Variants in ZNF385D observed in about 807,000 individuals in gnomAD.
ZNF385D encodes zinc finger protein 385D, also known as zinc finger protein 659.
A neutral mutation model predicts 35.8 loss-of-function variants in ZNF385D; 15 were observed. That is an observed-to-expected ratio of 0.42 (90% CI 0.28 to 0.64). The LOEUF (loss-of-function observed/expected upper bound fraction) is 0.64. Ranked by LOEUF, ZNF385D falls within the 30% of genes least tolerant of loss-of-function variation. The probability of loss-of-function intolerance (pLI) is 0.23; values close to 1 mark genes in which losing one functional copy is unlikely to be tolerated. For missense variants in ZNF385D, 474 were observed against 494.6 expected (o/e 0.96, Z 0.39); for synonymous variants, 212 against 186.8 (o/e 1.13, Z -1.10).
At chr3:22,196,424 T>C (rs1334148573) in intron 2 of ZNF385D, among the ~76,000 whole-genome samples, 2 of 152,094 alleles carry the variant, frequency 1.3e-5, no homozygotes, top group Non-Finnish European at 2.9e-5. Flanking sequence ...AAAACACATA[T>C]ATTTGAATTT....
intron 3 of ZNF385D, among the ~76,000 whole-genome samples, chr3:22,108,305 C>T (rs1333918755): frequency 4.6e-5 from 7 of 151,508 alleles, no homozygotes; most frequent in African/African-American, 1.5e-4. Flanking sequence ...GTCGAGTGTT[C>T]GATTTTCTTG....
intron 3 of ZNF385D, among the ~76,000 whole-genome samples, chr3:22,021,386 A>C (rs1697216472): frequency 6.6e-6 from 1 of 152,042 alleles, no homozygotes; most frequent in Non-Finnish European, 1.5e-5. Flanking sequence ...ATAGGCTTTC[A>C]GGCATTAGAA....
chr3:22,084,018 A>G (rs1226215319), intron 3 of ZNF385D, among the ~76,000 whole-genome samples: 1 of 152,214 alleles, frequency 6.6e-6, no homozygotes, highest in African/African-American at 2.4e-5. Context: ...AATACTTTAC[A>G]GACAAGGAAA....
intron 3 of ZNF385D, among the ~76,000 whole-genome samples, chr3:21,760,127 G>A (rs917379849): frequency 6.6e-6 from 1 of 152,124 alleles, no homozygotes; most frequent in African/African-American, 2.4e-5. Flanking sequence ...TCTTTGCTAT[G>A]CTCAAACATA....
At chr3:22,193,188 CTTTA>C (rs960122561) in intron 2 of ZNF385D, among the ~76,000 whole-genome samples, 3 of 152,100 alleles carry the variant, frequency 2.0e-5, no homozygotes, top group African/African-American at 7.2e-5. Flanking sequence ...TGAGGAAGTA[CTTTA>C]TTTGACACCT....
chr3:22,244,896 T>A (rs1428604780), intron 2 of ZNF385D, among the ~76,000 whole-genome samples: 1 of 151,872 alleles, frequency 6.6e-6, no homozygotes, highest in Non-Finnish European at 1.5e-5. Context: ...TCACTGCGTC[T>A]CCTCAGGTCT....
At position 22,246,527 on chromosome 3, in the gene ZNF385D, T is replaced by C. The variant is rs148233156; in HGVS notation, c.107-77492A>G. 7.3e-3 allele frequency among the ~76,000 whole-genome samples: 1,119 copies of C among 152,280 alleles called. 9 individuals carry two copies. Among genetic ancestry groups the C allele is most frequent in the African/African-American group, 0.025 (1,030 of 41,584 alleles). ...AGCCTTCTGATGCACTTCAAAGATA[T>C]ATTTTCTCTTGCTTCAAAGCCTAGA... On this transcript the variant is annotated intron_variant, in intron 2 of 5. Transcript: ENST00000494108.
intron 2 of ZNF385D, among the ~76,000 whole-genome samples, chr3:22,252,101 C>G (rs1251235393): frequency 6.6e-6 from 1 of 152,042 alleles, no homozygotes; most frequent in Non-Finnish European, 1.5e-5. Context: ...TGACACATTT[C>G]CATAACTAAA....
intron 2 of ZNF385D, among the ~76,000 whole-genome samples, chr3:22,246,948 C>T (rs1491884): frequency 6.6e-6 from 1 of 151,756 alleles, no homozygotes; most frequent in Non-Finnish European, 1.5e-5. Context: ...ATCATACATA[C>T]GTGCACACAC....
intron 3 of ZNF385D, among the ~76,000 whole-genome samples, chr3:21,550,208 T>G (rs2062518983): frequency 1.3e-5 from 2 of 152,200 alleles, no homozygotes; most frequent in South Asian, 4.1e-4. Context: ...TTATTGGTTT[T>G]TGTTTTTCCC....
intron 3 of ZNF385D, among the ~76,000 whole-genome samples, chr3:22,108,436 G>T (rs77265709): frequency 8.6e-5 from 13 of 151,836 alleles, no homozygotes; most frequent in Non-Finnish European, 1.5e-4. Flanking sequence ...GGTATGAAAT[G>T]CAACTATAGC....
intron 2 of ZNF385D, among the ~76,000 whole-genome samples, chr3:22,297,101 G>A (rs1332942066): frequency 6.6e-6 from 1 of 151,968 alleles, no homozygotes; most frequent in Non-Finnish European, 1.5e-5. Context: ...AAAACATATT[G>A]TATTCTCCTA....
intron 1 of ZNF385D, among the ~76,000 whole-genome samples, chr3:21,706,986 G>C (rs946061586): frequency 2.0e-5 from 3 of 152,082 alleles, no homozygotes; most frequent in Non-Finnish European, 4.4e-5. Flanking sequence ...ACATCTACGG[G>C]AACAATTTGA....
chr3:22,016,682 G>A (rs577198321), intron 3 of ZNF385D, among the ~76,000 whole-genome samples: 1 of 151,992 alleles, frequency 6.6e-6, no homozygotes, highest in African/African-American at 2.4e-5. Context: ...GGCCTGAGGA[G>A]AGTAGCCCCG....
At position 21,856,867 on chromosome 3, in the gene ZNF385D, G is replaced by A. The variant is rs139116655; in HGVS notation, c.326-191839C>T. 4.8e-3 allele frequency among the ~76,000 whole-genome samples: 737 copies of A among 152,208 alleles called. 7 individuals are homozygous for A. The highest frequency in any genetic ancestry group is 0.017 in the African/African-American group (717 of 41,548). ...CGGATCAAAGGAGATTTTAGAAGGT[G>A]ATTCCAAATCACTGTCTTAGAAATC... On this transcript the variant is annotated intron_variant, in intron 3 of 5. Coordinates refer to the ZNF385D transcript ENST00000494108.
intron 2 of ZNF385D, among the ~76,000 whole-genome samples, chr3:22,191,452 A>C (rs932083317): frequency 6.7e-6 from 1 of 149,904 alleles, no homozygotes; most frequent in Non-Finnish European, 1.5e-5. Flanking sequence ...GTACCATTGC[A>C]CTCCAGCCTG....
At chr3:21,813,965 AC>A (rs2073042765) in intron 3 of ZNF385D, among the ~76,000 whole-genome samples, 1 of 152,224 alleles carries the variant, frequency 6.6e-6, no homozygotes, top group African/African-American at 2.4e-5. Flanking sequence ...AGGTCGGGTT[AC>A]CCACAAAGGG....
chr3:22,104,797 A>G (rs1297729137), intron 3 of ZNF385D, among the ~76,000 whole-genome samples: 2 of 152,190 alleles, frequency 1.3e-5, no homozygotes, highest in Non-Finnish European at 2.9e-5. Context: ...GCCACGAAGT[A>G]TACTACCTGA....
At position 22,180,880 on chromosome 3, in the gene ZNF385D, C is replaced by T. The variant is rs532583843; in HGVS notation, c.107-11845G>A. 8.9e-4 allele frequency among the ~76,000 whole-genome samples: 125 copies of T among 140,264 alleles called. 1 individual carries two copies. The highest frequency in any genetic ancestry group is 3.2e-3 in the African/African-American group (110 of 34,170). 92.0% of individuals were successfully genotyped at this position (140,264 alleles called of 152,430 possible). On this transcript the variant is annotated intron_variant, in intron 2 of 5. Transcript: ENST00000494108. ...AAGAGGAGAATTGTGATGAAGATTT[C>T]GGCTTGTAAATCCAGTAGCTATATG...
Sources: gnomAD v4.1 joint callset for allele counts (sites outside exome capture counted in the v4.1 genomes callset) on GRCh38, gnomAD v4.1.1 for gene constraint, MANE v1.5 for transcripts, NCBI Gene and HGNC (gene_info 2026-07-23, HGNC 2026-07-21) for gene names.